The following PSMD14 variants were observed in gnomAD, a reference collection of about 807,000 sequenced individuals.
The protein encoded by PSMD14 is proteasome 26S subunit, non-ATPase 14.
A neutral mutation model predicts 41.2 loss-of-function variants in PSMD14; 7 were observed. The ratio of observed to expected loss-of-function variants is 0.17; its 90% CI spans 0.10 to 0.32. The LOEUF is 0.32. Ranked by LOEUF, PSMD14 falls within the 10% of genes least tolerant of loss-of-function variation. The pLI, the probability that PSMD14 is intolerant of heterozygous loss-of-function variation, is 1.00. For missense variants in PSMD14, 139 were observed against 375.6 expected (o/e 0.37, Z 5.21); for synonymous variants, 114 against 122.3 (o/e 0.93, Z 0.45).
rs1683106251 is a variant in PSMD14 at position 161,350,652 on chromosome 2, A to G, written c.49-16826A>G. 2.0e-5 allele frequency among the ~76,000 whole-genome samples: 3 copies of G among 152,252 alleles called. No individual in the cohort carries two copies. The South Asian group carries it at 6.2e-4, about 31-fold the overall frequency. ...AGGAGATCTCAGATCATTTCCAATA[A>G]GAGTAAAAACAAAATTAACTAAATT... On this transcript the variant is annotated intron_variant, in intron 3 of 11. Transcript: ENST00000409682.
chr2:161,402,707 A>G (rs1187819657), intron 10 of PSMD14, among the ~76,000 whole-genome samples: 1 of 152,112 alleles, frequency 6.6e-6, no homozygotes, highest in Non-Finnish European at 1.5e-5. Flanking sequence ...GGAAAAAAAA[A>G]AAGAAACTAT....
intron 3 of PSMD14, among the ~76,000 whole-genome samples, chr2:161,324,384 T>C (rs1351170382): frequency 6.6e-6 from 1 of 152,174 alleles, no homozygotes; most frequent in Non-Finnish European, 1.5e-5. Flanking sequence ...TTTAACTTCT[T>C]TTGGGAAAAA....
At chr2:161,326,322 T>C (rs1352922101) in intron 3 of PSMD14, among the ~76,000 whole-genome samples, 1 of 152,140 alleles carries the variant, frequency 6.6e-6, no homozygotes, top group Admixed American at 6.5e-5. Flanking sequence ...AGAGCCACCA[T>C]GCCCAGTCCA....
At position 161,359,499 on chromosome 2, in the gene PSMD14, AT is replaced by A. The variant is rs901864717; in HGVS notation, c.49-7969del. Among the ~76,000 whole-genome samples, 1,441 of 149,736 alleles carry A rather than the reference AT, an allele frequency of 9.6e-3. 22 individuals are homozygous for A. The highest frequency in any genetic ancestry group is 0.033 in the African/African-American group (1,352 of 40,812). On this transcript the variant is annotated intron_variant, in intron 3 of 11. Transcript: ENST00000409682. Reference sequence around the variant, plus strand: ...AAAAAGTTATTTTTTTAAGGCAAAGATTTTTTTTTTAATTGGACTTGGAAAA... The same window carrying A: ...AAAAAGTTATTTTTTTAAGGCAAAGATTTTTTTTTAATTGGACTTGGAAAA...
At chr2:161,392,912 G>A (rs1683732909) in intron 9 of PSMD14, among the ~76,000 whole-genome samples, 1 of 152,124 alleles carries the variant, frequency 6.6e-6, no homozygotes, top group East Asian at 1.9e-4. Context: ...GAAATGTCTA[G>A]CTAATTACAT....
At chr2:161,361,452 G>A (rs866714990) in intron 3 of PSMD14, among the ~76,000 whole-genome samples, 3 of 45,924 alleles carry the variant, frequency 6.5e-5, no homozygotes, top group East Asian at 2.0e-3. Flanking sequence ...TGAAAAACAC[G>A]GATAGATTTT....
intron 3 of PSMD14, among the ~76,000 whole-genome samples, chr2:161,362,320 A>T (rs896247919): frequency 6.6e-6 from 1 of 152,224 alleles, no homozygotes; most frequent in Non-Finnish European, 1.5e-5. Flanking sequence ...GATAGAGCAT[A>T]TTGTATACTT....
intron 2 of PSMD14, among the ~76,000 whole-genome samples, chr2:161,317,772 C>T (rs549327724): frequency 9.9e-5 from 15 of 151,924 alleles, no homozygotes; most frequent in Non-Finnish European, 1.8e-4. Flanking sequence ...ACAACATGGA[C>T]GAAGGATGAA....
intron 3 of PSMD14, among the ~76,000 whole-genome samples, chr2:161,359,567 A>G (rs1225746561): frequency 6.6e-6 from 1 of 152,126 alleles, no homozygotes; most frequent in Non-Finnish European, 1.5e-5. Flanking sequence ...TACAGTGTAT[A>G]GTGCATTTTG....
intron 8 of PSMD14, among the ~76,000 whole-genome samples, chr2:161,390,501 T>A (rs1412978898): frequency 6.6e-6 from 1 of 152,194 alleles, no homozygotes; most frequent in Non-Finnish European, 1.5e-5. Context: ...GATTTTATTA[T>A]GATTGGCCTG....
At chr2:161,353,088 T>A (rs1683142434) in intron 3 of PSMD14, among the ~76,000 whole-genome samples, 1 of 152,216 alleles carries the variant, frequency 6.6e-6, no homozygotes, top group East Asian at 1.9e-4. Context: ...GAGAAAATAA[T>A]CTGGCTTTAA....
At chr2:161,363,604 C>G (rs1683320756) in intron 3 of PSMD14, among the ~76,000 whole-genome samples, 1 of 152,174 alleles carries the variant, frequency 6.6e-6, no homozygotes, top group Non-Finnish European at 1.5e-5. Flanking sequence ...ATACTGCCCC[C>G]CAGGAGTGTT....
intron 3 of PSMD14, among the ~76,000 whole-genome samples, chr2:161,336,716 C>T (rs1682876799): frequency 1.3e-5 from 2 of 152,106 alleles, no homozygotes; most frequent in South Asian, 4.1e-4. Context: ...GCTGGGACTA[C>T]AGGTGTGCGC....
At chr2:161,381,340 G>A (rs1369183896) in intron 7 of PSMD14, 1 of 151,390 alleles carries the variant, frequency 6.6e-6, no homozygotes, top group Admixed American at 6.6e-5. Flanking sequence ...GAAAATGAAT[G>A]CATCATAAAT....
intron 3 of PSMD14, among the ~76,000 whole-genome samples, chr2:161,355,370 A>G (rs1683181266): frequency 6.6e-6 from 1 of 152,188 alleles, no homozygotes; most frequent in Admixed American, 6.5e-5. Flanking sequence ...AGGATTACTC[A>G]GAGATGAAAG....
At chr2:161,379,344 G>A (rs536750004) in intron 7 of PSMD14, among the ~76,000 whole-genome samples, 1 of 152,062 alleles carries the variant, frequency 6.6e-6, no homozygotes, top group African/African-American at 2.4e-5. Flanking sequence ...TGTCACTTGT[G>A]AGTGTAGAAA....
At chr2:161,360,165 A>AC (rs1356732801) in intron 3 of PSMD14, among the ~76,000 whole-genome samples, 1 of 149,690 alleles carries the variant, frequency 6.7e-6, no homozygotes, top group Non-Finnish European at 1.5e-5. Flanking sequence ...GCTTTTTTCC[A>AC]CCCCGTAACA....
intron 3 of PSMD14, among the ~76,000 whole-genome samples, chr2:161,338,101 C>CA (rs1682894216): frequency 6.6e-6 from 1 of 152,142 alleles, no homozygotes; most frequent in Non-Finnish European, 1.5e-5. Flanking sequence ...AATTTAACCT[C>CA]AAAGATGAAG....
chr2:161,340,541 C>T (rs2105241350), intron 3 of PSMD14, among the ~76,000 whole-genome samples: 1 of 152,270 alleles, frequency 6.6e-6, no homozygotes, highest in East Asian at 1.9e-4. Context: ...AGTCCAGGGT[C>T]TGAGCTCTAA....
Sources: gnomAD v4.1 joint callset for allele counts (sites outside exome capture counted in the v4.1 genomes callset) on GRCh38, gnomAD v4.1.1 for gene constraint, MANE v1.5 for transcripts, NCBI Gene and HGNC (gene_info 2026-07-23, HGNC 2026-07-21) for gene names.